CCDC170: variants seen among roughly 807,000 people sequenced by gnomAD.
The protein encoded by CCDC170 is coiled-coil domain containing 170.
CCDC170 carries 69 observed loss-of-function variants against 72.6 expected under a neutral mutation model. That is an observed-to-expected ratio of 0.95 (90% CI 0.78 to 1.16). The LOEUF (loss-of-function observed/expected upper bound fraction) is 1.16. Ranked by LOEUF, CCDC170 falls within the 50% of genes most tolerant of loss-of-function variation. CCDC170 has a pLI of 0.00. For synonymous variants in CCDC170, 300 were observed against 303.9 expected (o/e 0.99, Z 0.13); for missense variants, 852 against 832.5 (o/e 1.02, Z -0.29).
intron 2 of CCDC170, among the ~76,000 whole-genome samples, chr6:151,536,794 A>G (rs1191455922): frequency 2.5e-5 from 3 of 121,296 alleles, no homozygotes; most frequent in Non-Finnish European, 3.9e-5. Flanking sequence ...AAAAAAAAAA[A>G]AAAAGAAAAA....
At position 151,567,910 on chromosome 6, in the gene CCDC170, AG is replaced by A. The variant is rs566501914; in HGVS notation, c.775-5263del. Among the ~76,000 whole-genome samples, 10 of 152,166 alleles carry A rather than the reference AG, an allele frequency of 6.6e-5. No homozygotes were observed. In the East Asian group the frequency reaches 1.9e-3, roughly 30 times the overall value. ...GGCGGGTCACAAGGTCAGGAGTTCA[AG>A]ACCAGCCTGACCAACACGGTGAAAC... On this transcript the variant is annotated intron_variant, in intron 5 of 10. Transcript: ENST00000239374.
At chr6:151,552,348 G>A (rs1354647088) in intron 5 of CCDC170, among the ~76,000 whole-genome samples, 1 of 152,074 alleles carries the variant, frequency 6.6e-6, no homozygotes, top group Non-Finnish European at 1.5e-5. Flanking sequence ...TTTCTATGGG[G>A]TGATCATTAT....
chr6:151,564,963 G>T (rs997681333), intron 5 of CCDC170, among the ~76,000 whole-genome samples: 1 of 152,112 alleles, frequency 6.6e-6, no homozygotes, highest in Non-Finnish European at 1.5e-5. Context: ...AGGTGGGGTT[G>T]CTTTTAGTGG....
At chr6:151,583,364 G>C (rs573377375) in intron 6 of CCDC170, among the ~76,000 whole-genome samples, 20 of 152,156 alleles carry the variant, frequency 1.3e-4, no homozygotes, top group African/African-American at 4.8e-4. Flanking sequence ...GGAGTAAGAG[G>C]CCCAATTTTT....
rs1350139949 is a variant in CCDC170, at chr6:151,595,031, T to A, written c.1468-1304T>A. Among the ~76,000 whole-genome samples the A allele has an allele frequency of 2.6e-5, 4 of 152,180 alleles. No homozygotes were observed. In the South Asian group the frequency reaches 8.3e-4, roughly 32 times the overall value. ...TTAAAAAGGTCTTGTTCAAAAATGA[T>A]CTGGGTATGGACACAGCTGTCACTG... is the stretch of plus-strand genomic sequence containing the variant. On this transcript the variant is annotated intron_variant, in intron 8 of 10. Transcript: ENST00000239374.
chr6:151,588,267 C>T (rs144776883), intron 7 of CCDC170, among the ~76,000 whole-genome samples: 23 of 152,180 alleles, frequency 1.5e-4, no homozygotes, highest in African/African-American at 5.5e-4. Flanking sequence ...TTGGGCCACA[C>T]GTAAAATACA....
At chr6:151,566,485 GA>G (rs1035766793) in intron 5 of CCDC170, among the ~76,000 whole-genome samples, 41 of 150,764 alleles carry the variant, frequency 2.7e-4, no homozygotes, top group African/African-American at 8.3e-4. Flanking sequence ...TGAATTAATA[GA>G]AAAAAATTAT....
chr6:151,597,476 G>C (rs1371007424), intron 9 of CCDC170, among the ~76,000 whole-genome samples: 1 of 152,218 alleles, frequency 6.6e-6, no homozygotes, highest in African/African-American at 2.4e-5. Flanking sequence ...TTTCTCCAAA[G>C]TGTTGGTGAC....
At position 151,573,286 on chromosome 6, in the gene CCDC170, G is replaced by T; in HGVS notation, c.887G>T (p.Ser296Ile). 2 of 1,614,182 alleles carry T rather than the reference G, an allele frequency of 1.2e-6. No homozygotes were observed. Among genetic ancestry groups the T allele is most frequent in the South Asian group, 2.2e-5 (2 of 91,084 alleles). ...QVWDASKQEV[S>I]LLKKSSSELE... ...TGGGATGCCTCAAAGCAGGAAGTGA[G>T]CCTCCTGAAGAAAAGCTCTTCTGAG... Residue 296 changes from serine (S) to isoleucine (I), a missense_variant, in exon 6 of 11, where the codon AGC (serine) becomes ATC (isoleucine). Transcript: ENST00000239374.
In CCDC170 at chr6:151,573,476, A is replaced by G; in HGVS notation, c.1077A>G (p.Glu359=). The G allele has an allele frequency of 6.2e-7, 1 of 1,613,838 alleles. No homozygotes were observed. Among genetic ancestry groups the G allele is most frequent in the African/African-American group, 1.3e-5 (1 of 75,052 alleles). Reference sequence around the variant, plus strand: ...AGATTCGAGAAATGGACAGCCGGGAAGAAAGCAGGGACCGGGTGAGTGGGT... The same window carrying G: ...AGATTCGAGAAATGGACAGCCGGGAGGAAAGCAGGGACCGGGTGAGTGGGT... ...LEKIREMDSR[E]ESRDRMVSQL... Residue 359 remains glutamate (E), a synonymous_variant, in exon 6 of 11, where the codon GAA becomes GAG. Transcript: ENST00000239374.
intron 1 of CCDC170, among the ~76,000 whole-genome samples, chr6:151,523,461 G>A (rs1782353896): frequency 6.6e-6 from 1 of 152,004 alleles, no homozygotes; most frequent in Non-Finnish European, 1.5e-5. Context: ...TGAGGTGGGT[G>A]GATCACTTGA....
chr6:151,533,244 C>A (rs373504762), intron 1 of CCDC170, among the ~76,000 whole-genome samples: 4 of 151,322 alleles, frequency 2.6e-5, no homozygotes, highest in Non-Finnish European at 5.9e-5. Flanking sequence ...TTAGTAGAGA[C>A]GGGGTTTCAC....
At chr6:151,540,344 T>C (rs1236865922) in intron 3 of CCDC170, among the ~76,000 whole-genome samples, 1 of 126,088 alleles carries the variant, frequency 7.9e-6, no homozygotes, top group East Asian at 2.7e-4. Flanking sequence ...TTCCTCTTCC[T>C]CCTCCTCCTC....
At chr6:151,565,658 A>G (rs1295845862) in intron 5 of CCDC170, among the ~76,000 whole-genome samples, 1 of 152,188 alleles carries the variant, frequency 6.6e-6, no homozygotes, top group African/African-American at 2.4e-5. Context: ...CCTCTAGTCC[A>G]TCATCTTGAA....
chr6:151,519,795 A>AC (rs1229979953), intron 1 of CCDC170, among the ~76,000 whole-genome samples: 1 of 152,200 alleles, frequency 6.6e-6, no homozygotes, highest in Non-Finnish European at 1.5e-5. Context: ...TAATAACCTG[A>AC]AGTTGCCATG....
At chr6:151,610,591 A>G (rs1209946518) in intron 9 of CCDC170, among the ~76,000 whole-genome samples, 2 of 152,202 alleles carry the variant, frequency 1.3e-5, no homozygotes, top group Non-Finnish European at 2.9e-5. Context: ...CTGTTACATG[A>G]CCACAATACA....
chr6:151,524,456 C>T (rs1030272109), intron 1 of CCDC170, among the ~76,000 whole-genome samples: 24 of 152,158 alleles, frequency 1.6e-4, no homozygotes, highest in Admixed American at 3.3e-4. Flanking sequence ...ACATGGAATT[C>T]ACAAACAGTT....
chr6:151,538,389 T>G (rs987359705), intron 3 of CCDC170, 88 bp downstream of exon 3: 3 of 1,301,384 alleles, frequency 2.3e-6, no homozygotes, highest in Non-Finnish European at 3.2e-6. Context: ...AGTACTGGCA[T>G]TTTGCATTAC....
intron 1 of CCDC170, among the ~76,000 whole-genome samples, chr6:151,534,770 G>A (rs1782551290): frequency 6.6e-6 from 1 of 152,218 alleles, no homozygotes; most frequent in African/African-American, 2.4e-5. Context: ...GGAAAGTTAT[G>A]AGCTTTAAGA....
Sources: gnomAD v4.1 joint callset for allele counts (sites outside exome capture counted in the v4.1 genomes callset) on GRCh38, gnomAD v4.1.1 for gene constraint, MANE v1.5 for transcripts, NCBI Gene and HGNC (gene_info 2026-07-23, HGNC 2026-07-21) for gene names.